The following TLE2 variants were observed in gnomAD, a reference collection of about 807,000 sequenced individuals.
The protein encoded by TLE2 is transducin-like enhancer protein 2.
Under a neutral mutation model 97.2 loss-of-function variants are expected in TLE2, and 74 were observed. That is an observed-to-expected ratio of 0.76 (90% CI 0.63 to 0.92). The LOEUF is 0.92. Among genes scored for constraint, TLE2 ranks in the 40% least tolerant of loss-of-function variants. TLE2 has a pLI of 0.00. For synonymous variants in TLE2, 499 were observed against 432.1 expected, an observed-to-expected ratio of 1.15 and a Z score of -1.92; for missense variants, 1,038 against 1,008.7, an observed-to-expected ratio of 1.03 and a Z score of -0.39.
rs2089993660 is a variant in TLE2 at position 3,028,969 on chromosome 19, G to C, written c.-65C>G. ...TGATGATATGGAGGCGGCAAGAGTG[G>C]GGGAGGCTGAAGTGGGGTGGTGGGG... On this transcript the variant is annotated 5_prime_UTR_variant, in exon 1 of 20. Transcript: ENST00000262953. 6.3e-7 allele frequency: 1 copy of C among 1,581,818 alleles called. No homozygotes were observed. The highest frequency in any genetic ancestry group is 1.4e-5 in the African/African-American group (1 of 73,664).
In TLE2 at chr19:2,998,237, A is replaced by ATGTGTGTGTGTG. The variant is rs56398458; in HGVS notation, c.2125-294_2125-283dup. ...AGGCGCCCGCAACCACGCCCGGCCAATGTGTGTGTGTGTGTGTGTGTGTGT... is the reference window on the plus strand; with the variant it reads ...AGGCGCCCGCAACCACGCCCGGCCAATGTGTGTGTGTGTGTGTGTGTGTGTGTGTGTGTGTGT... On this transcript the variant is annotated intron_variant, in intron 19 of 19. Coordinates refer to ENST00000262953, the MANE Select transcript of TLE2 (RefSeq NM_003260.5). 1.4e-3 allele frequency among the ~76,000 whole-genome samples: 176 copies of ATGTGTGTGTGTG among 121,412 alleles called. 1 individual carries two copies. Among genetic ancestry groups the ATGTGTGTGTGTG allele is most frequent in the African/African-American group, 4.9e-3 (139 of 28,260 alleles). 79.7% of individuals were successfully genotyped at this position (121,412 alleles called of 152,430 possible).
At chr19:3,008,970 A>C in intron 13 of TLE2, 25 bp from the exon 14 acceptor site, 1 of 1,549,022 alleles carries the variant, frequency 6.5e-7, no homozygotes, top group Non-Finnish European at 8.7e-7. Context: ...GGGGGGTGTC[A>C]GTGAGGCAGG....
At chr19:3,002,855 C>T (rs118047726) in intron 17 of TLE2, among the ~76,000 whole-genome samples, 22 of 152,214 alleles carry the variant, frequency 1.4e-4, no homozygotes, top group East Asian at 5.8e-4. Flanking sequence ...CCTGCTAGTA[C>T]GCCCGGGTAA....
At chr19:3,031,520 A>C (rs1568253016), upstream of TLE2, among the ~76,000 whole-genome samples, 1 of 152,020 alleles carries the variant, frequency 6.6e-6, no homozygotes, top group Non-Finnish European at 1.5e-5. Context: ...TATAGAGACA[A>C]GGTCTCACTG....
At chr19:3,013,499 CAA>C (rs2145155079) in intron 11 of TLE2, among the ~76,000 whole-genome samples, 168 bp downstream of exon 11, 1 of 151,994 alleles carries the variant, frequency 6.6e-6, no homozygotes, top group East Asian at 1.9e-4. Flanking sequence ...TGAGGTTCAA[CAA>C]AGTCAGTCCA....
upstream of TLE2, among the ~76,000 whole-genome samples, chr19:3,046,403 C>G (rs77511596): frequency 5.9e-5 from 9 of 152,212 alleles, no homozygotes; most frequent in Admixed American, 2.0e-4. Flanking sequence ...TCCTATTCCC[C>G]GCTCCTTTTC....
Position 3,025,088 on chromosome 19 carries a change from A to C in TLE2, c.232-6T>G. 1 of 1,602,600 alleles carries C rather than the reference A, an allele frequency of 6.2e-7. No individual in the cohort carries two copies. The highest frequency in any genetic ancestry group is 1.1e-5 in the South Asian group (1 of 88,240). ...AGACGCTTCACAATCTCCGCCTGGC[A>C]GGAAGCAATGAGAGGAAGCTTGGAG... On this transcript the variant is annotated splice_region_variant and splice_polypyrimidine_tract_variant and intron_variant, in intron 4 of 19. Coordinates refer to ENST00000262953, the MANE Select transcript of TLE2 (RefSeq NM_003260.5).
In TLE2 at chr19:3,011,142, T is replaced by A; in HGVS notation, c.892A>T (p.Thr298Ser). ...ELILNDLPAS[T>S]PASKSCDSSP... ...GAGTCACAGGATTTGGAGGCAGGAG[T>A]GCTGGCGGGAAGGTCATTCTGCAGA... Residue 298 changes from threonine (T) to serine (S), a missense_variant, in exon 12 of 20, where the codon ACT (threonine) becomes TCT (serine). Physicochemically the swap from Thr to Ser is moderately conservative, Grantham distance 58. Coordinates refer to ENST00000262953, the MANE Select transcript of TLE2 (RefSeq NM_003260.5). 6.2e-7 allele frequency: 1 copy of A among 1,602,384 alleles called. No homozygotes were observed. Among genetic ancestry groups the A allele is most frequent in the South Asian group, 1.1e-5 (1 of 89,756 alleles).
intron 4 of TLE2, among the ~76,000 whole-genome samples, chr19:3,026,320 C>T (rs1170067062): frequency 2.0e-5 from 3 of 151,968 alleles, no homozygotes; most frequent in African/African-American, 7.3e-5. Context: ...TGGTAGCAGG[C>T]GCCTGTAATC....
At position 3,019,575 on chromosome 19, in the gene TLE2, G is replaced by T. The variant is rs917492320; in HGVS notation, c.370-112C>A. 26 of 1,503,558 alleles carry T rather than the reference G, an allele frequency of 1.7e-5. No individual in the cohort carries two copies. The African/African-American group carries it at 2.5e-4, about 14-fold the overall frequency. 93.1% of individuals were successfully genotyped at this position (1,503,558 alleles called of 1,614,324 possible). A position where few individuals can be genotyped will look rare whatever the true frequency, so the allele number is the denominator to read the frequency against. ...GACCTAAGCACAGCATGTGCCCCTG[G>T]GGTTCCCAGGACCACTGGAGCCAAG... On this transcript the variant is annotated intron_variant, in intron 6 of 19. Transcript: ENST00000262953. The surrounding 1 kb of genome is among the most constrained non-coding windows in gnomAD (Gnocchi z 5.1).
At chr19:3,033,718 C>T (rs1436737690), upstream of TLE2, among the ~76,000 whole-genome samples, 6 of 152,102 alleles carry the variant, frequency 3.9e-5, no homozygotes, top group Admixed American at 2.0e-4. Context: ...CCTGTCCGGG[C>T]GGCCCTCTTC....
intron 8 of TLE2, among the ~76,000 whole-genome samples, chr19:3,017,564 C>T (rs1169807850): frequency 1.3e-5 from 2 of 151,772 alleles, no homozygotes; most frequent in African/African-American, 4.8e-5. Context: ...GATCCTCCCA[C>T]CTCAGGCTCC....
At position 3,019,374 on chromosome 19, in the gene TLE2, C is replaced by G. The variant is rs1334396791; in HGVS notation, c.459G>C (p.Leu153=). The G allele has an allele frequency of 6.4e-7, 1 of 1,553,868 alleles. No individual in the cohort carries two copies. Among genetic ancestry groups the G allele is most frequent in the South Asian group, 1.2e-5 (1 of 85,058 alleles). ...AGLVGGSATG[L]LALSGALAAQ... is the part of the protein sequence containing the mutation. Reference sequence around the variant, plus strand: ...CAGCCAGGGCTCCAGACAGAGCAAGCAGCCCCGTAGCACTGCCGCCCACCA... The same window carrying G: ...CAGCCAGGGCTCCAGACAGAGCAAGGAGCCCCGTAGCACTGCCGCCCACCA... Residue 153 remains leucine (L), a synonymous_variant, in exon 7 of 20, where the codon CTG becomes CTC. Coordinates refer to ENST00000262953, the MANE Select transcript of TLE2 (RefSeq NM_003260.5). The surrounding 1 kb of genome is among the most constrained non-coding windows in gnomAD (Gnocchi z 5.1).
intron 19 of TLE2, among the ~76,000 whole-genome samples, chr19:2,999,560 T>C (rs1324898244): frequency 6.6e-6 from 1 of 151,624 alleles, no homozygotes; most frequent in Non-Finnish European, 1.5e-5. Flanking sequence ...ACCCCGTCTC[T>C]ACTAAAAATA....
At chr19:3,017,080 CCA>C (rs1190873684) in intron 8 of TLE2, among the ~76,000 whole-genome samples, 1 of 121,176 alleles carries the variant, frequency 8.3e-6, no homozygotes, top group Admixed American at 7.6e-5. Context: ...TGGGTATCTC[CCA>C]CACAGAAAGG....
intron 12 of TLE2, 107 bp downstream of exon 12, chr19:3,010,915 G>A: frequency 1.4e-6 from 2 of 1,440,490 alleles, no homozygotes; most frequent in Non-Finnish European, 1.9e-6. Context: ...CCAAGGCAAT[G>A]AACACCAAGC....
intron 17 of TLE2, among the ~76,000 whole-genome samples, chr19:3,004,812 G>T (rs1411016413): frequency 2.0e-5 from 3 of 152,028 alleles, no homozygotes; most frequent in Non-Finnish European, 4.4e-5. Flanking sequence ...GTGTGCATGA[G>T]ACCAGCCCAT....
At chr19:3,025,515 C>A in intron 4 of TLE2, 1 of 998,122 alleles carries the variant, frequency 1.0e-6, no homozygotes, top group South Asian at 4.6e-5. Flanking sequence ...CCAGGCAAGG[C>A]CCCTTTCTTG....
intron 12 of TLE2, among the ~76,000 whole-genome samples, chr19:3,010,231 G>GAAT (rs1568236459): frequency 1.3e-5 from 2 of 151,920 alleles, no homozygotes; most frequent in East Asian, 2.0e-4. Context: ...GGGCATGGTG[G>GAAT]TGCATGCCCG....
Sources: gnomAD v4.1 joint callset for allele counts (sites outside exome capture counted in the v4.1 genomes callset) on GRCh38, gnomAD v4.1.1 for gene constraint, Gnocchi (gnomAD v3.1) non-coding constraint, MANE v1.5 for transcripts, NCBI Gene and HGNC (gene_info 2026-07-23, HGNC 2026-07-21) for gene names.